Variants in COL4A6 observed in about 807,000 individuals in gnomAD.
The protein encoded by COL4A6 is collagen alpha-6(IV) chain.
A neutral mutation model predicts 126.7 loss-of-function variants in COL4A6; 59 were observed. The observed-to-expected ratio is 0.47, with a 90% CI of 0.38 to 0.58. The LOEUF (loss-of-function observed/expected upper bound fraction) is 0.58, where lower values mean the gene tolerates loss of function less well. Among genes scored for constraint, COL4A6 ranks in the 20% least tolerant of loss-of-function variants. The pLI is 0.00. For synonymous variants in COL4A6, 547 were observed against 496.6 expected, an observed-to-expected ratio of 1.10 and a Z score of -1.35; for missense variants, 1,285 against 1,337.3, an observed-to-expected ratio of 0.96 and a Z score of 0.61.
chrX:108,257,739 C>T lies in COL4A6; in HGVS notation c.145-36365G>A, dbSNP rs139025356. 4.2e-3 allele frequency among the ~76,000 whole-genome samples: 462 copies of T among 110,946 alleles called. 2 individuals carry two copies. The highest frequency in any genetic ancestry group is 5.6e-3 in the Non-Finnish European group (298 of 52,851). On this transcript the variant is annotated intron_variant, in intron 3 of 44. Transcript: ENST00000334504. The stretch of plus-strand genomic sequence containing the variant: ...CGGAAGATCTCTTGCATATTTAATA[C>T]GATCTTGGAAGCTGCTCTACAGAGG...
intron 13 of COL4A6, among the ~76,000 whole-genome samples, chrX:108,200,497 A>G (rs1399896657): frequency 2.7e-5 from 3 of 112,068 alleles, no homozygotes; most frequent in Non-Finnish European, 5.6e-5. Flanking sequence ...GGGTCTTAAA[A>G]GAGTAGCTAT....
intron 2 of COL4A6, among the ~76,000 whole-genome samples, chrX:108,403,413 G>A (rs1357511538): frequency 9.1e-6 from 1 of 109,627 alleles, no homozygotes; most frequent in Non-Finnish European, 1.9e-5. Context: ...TCCTTCTGGC[G>A]CTCTAATTCA....
intron 3 of COL4A6, among the ~76,000 whole-genome samples, chrX:108,300,724 C>CGTGT (rs58203884): frequency 1.4e-3 from 132 of 92,380 alleles, no homozygotes; most frequent in Non-Finnish European, 2.2e-3. Context: ...CAAACATTGG[C>CGTGT]GTGTGTGTGT....
Position 108,333,895 on chromosome X carries a change from G to T in COL4A6, c.64-23067C>A, listed in dbSNP as rs1393266684. 1.8e-5 allele frequency among the ~76,000 whole-genome samples: 2 copies of T among 111,312 alleles called. 1 individual carries two copies. On this transcript the variant is annotated intron_variant, in intron 2 of 44. Transcript: ENST00000334504. ...CAAAACACTGGTGAAAGAAATTGTA[G>T]ATGACACAAACAAATGGAGAAACAA...
At chrX:108,284,482 T>C (rs1303734609) in intron 3 of COL4A6, among the ~76,000 whole-genome samples, 2 of 111,783 alleles carry the variant, frequency 1.8e-5, no homozygotes, top group East Asian at 2.8e-4. Context: ...GAAAAAGACA[T>C]GATCCAATAT....
intron 2 of COL4A6, among the ~76,000 whole-genome samples, chrX:108,371,010 C>T (rs1035556199): frequency 3.6e-5 from 4 of 110,511 alleles, no homozygotes; most frequent in African/African-American, 3.3e-5. Context: ...TCAAATGTCA[C>T]CTCTTCTGTG....
intron 3 of COL4A6, among the ~76,000 whole-genome samples, chrX:108,280,279 C>T (rs1385000214): frequency 3.6e-5 from 4 of 110,934 alleles, no homozygotes; most frequent in African/African-American, 1.3e-4. Context: ...AGAGAAGAAT[C>T]AAATAGACGC....
At chrX:108,203,504 C>A (rs560366709) in intron 12 of COL4A6, among the ~76,000 whole-genome samples, 104 of 112,347 alleles carry the variant, frequency 9.3e-4, no homozygotes, top group Middle Eastern at 9.3e-3. Context: ...AGACCATTCC[C>A]AAATCAACGA....
Position 108,299,792 on chromosome X carries a change from A to C in COL4A6, c.144+10956T>G, listed in dbSNP as rs186023111. ...GGATAAAAGGTGTAAAGGCTGTCAT[A>C]GCAAAGCCTAGGGCTTAGCTAAGTC... is the stretch of plus-strand genomic sequence containing the variant. On this transcript the variant is annotated intron_variant, in intron 3 of 44. Transcript: ENST00000334504. 3.4e-3 allele frequency among the ~76,000 whole-genome samples: 384 copies of C among 112,252 alleles called. 3 individuals are homozygous for C. The highest frequency in any genetic ancestry group is 0.012 in the African/African-American group (366 of 30,895).
At chrX:108,198,457 A>G (rs886308487) in intron 13 of COL4A6, among the ~76,000 whole-genome samples, 2 of 109,590 alleles carry the variant, frequency 1.8e-5, no homozygotes, top group African/African-American at 6.7e-5. Flanking sequence ...TGTAAAAAGG[A>G]AAAAAAAAGA....
intron 3 of COL4A6, among the ~76,000 whole-genome samples, chrX:108,280,287 C>G (rs748333564): frequency 2.7e-5 from 3 of 110,487 alleles, no homozygotes; most frequent in Non-Finnish European, 5.7e-5. Context: ...ATCAAATAGA[C>G]GCAATAAAAA....
chrX:108,272,577 T>A (rs190214639), intron 3 of COL4A6, among the ~76,000 whole-genome samples: 25 of 111,941 alleles, frequency 2.2e-4, no homozygotes, highest in African/African-American at 8.1e-4. Flanking sequence ...GGAAATTTAA[T>A]TAAAACCAAG....
intron 6 of COL4A6, 95 bp from the exon 7 acceptor site, chrX:108,211,835 C>T: frequency 1.1e-6 from 1 of 872,228 alleles, no homozygotes; most frequent in Non-Finnish European, 1.6e-6. Context: ...ACAGCAAGAG[C>T]CTGAAACCAT....
At chrX:108,253,306 G>A (rs1363375303) in intron 3 of COL4A6, among the ~76,000 whole-genome samples, 1 of 111,553 alleles carries the variant, frequency 9.0e-6, no homozygotes, top group Non-Finnish European at 1.9e-5. Context: ...CAAAGTTGTA[G>A]GACACAAAAA....
intron 2 of COL4A6, among the ~76,000 whole-genome samples, chrX:108,355,397 T>C (rs2039938571): frequency 8.9e-6 from 1 of 112,574 alleles, no homozygotes; most frequent in Non-Finnish European, 1.9e-5. Context: ...CAAGGTGCAC[T>C]GGCTTTGGTT....
At chrX:108,178,091 T>G (rs1225144386) in intron 27 of COL4A6, among the ~76,000 whole-genome samples, 2 of 112,334 alleles carry the variant, frequency 1.8e-5, no homozygotes, top group African/African-American at 6.5e-5. Flanking sequence ...TAACTCAGCT[T>G]CAGTCACTAG....
rs1418206650 is a variant in COL4A6, at chrX:108,164,648, G to A, written c.4021C>T (p.Pro1341Ser). 3.3e-6 allele frequency: 4 copies of A among 1,209,883 alleles called. No homozygotes were observed. The African/African-American group carries it at 5.3e-5, about 16-fold the overall frequency. The part of the protein sequence containing the change: ...FMGTPGKVGP[P>S]GDPGFPGMKG... ...ATTCCGGGAAATCCTGGGTCTCCAG[G>A]TGGCCCAACCTTGCCTGGAGTCCCC... The change falls in exon 40 of 45, where the codon CCT becomes TCT. Residue 1341 changes from proline to serine, a missense_variant. Coordinates refer to ENST00000334504, the MANE Select transcript of COL4A6 (RefSeq NM_033641.4).
At chrX:108,277,652 C>T (rs5973858) in intron 3 of COL4A6, among the ~76,000 whole-genome samples, 29,209 of 111,077 alleles carry the variant, frequency 0.26, 3,198 homozygotes, top group East Asian at 0.61. Flanking sequence ...TCTCCCAGCA[C>T]GCAGCTGGAG....
chrX:108,165,424 G>C lies in COL4A6; in HGVS notation c.3754C>G (p.Leu1252Val). ...GGGTCACCAGGCTGTCCTGCTATGA[G>C]TGAGGGCAAGGAGATGCCTGGGGCA... ...PGAPGISLPSLIAGQPGDPGR... is the reference protein window; with the variant it reads ...PGAPGISLPSVIAGQPGDPGR... The change falls in exon 38 of 45, where the codon CTC (leucine) becomes GTC (valine). Residue 1252 changes from leucine (L) to valine (V), a missense_variant. Leu to Val is a conservative substitution (Grantham distance 32). Coordinates refer to ENST00000334504, the MANE Select transcript of COL4A6 (RefSeq NM_033641.4). The C allele has an allele frequency of 8.3e-7, 1 of 1,209,068 alleles. No individual in the cohort carries two copies. The highest frequency in any genetic ancestry group is 1.1e-6 in the Non-Finnish European group (1 of 894,605).
Sources: gnomAD v4.1 joint callset for allele counts (sites outside exome capture counted in the v4.1 genomes callset) on GRCh38, gnomAD v4.1.1 for gene constraint, MANE v1.5 for transcripts, NCBI Gene and HGNC (gene_info 2026-07-23, HGNC 2026-07-21) for gene names.